KLF12: variants seen among roughly 807,000 people sequenced by gnomAD.
KLF12 encodes Krueppel-like factor 12.
A neutral mutation model predicts 37.8 loss-of-function variants in KLF12; 9 were observed. The observed-to-expected ratio is 0.24, with a 90% CI of 0.14 to 0.42. The LOEUF (loss-of-function observed/expected upper bound fraction) is 0.42. Among genes scored for constraint, KLF12 ranks in the 10% least tolerant of loss-of-function variants. KLF12 has a pLI of 1.00. For synonymous variants in KLF12, 208 were observed against 202.1 expected, an observed-to-expected ratio of 1.03 and a Z score of -0.25; for missense variants, 411 against 516.0, an observed-to-expected ratio of 0.80 and a Z score of 1.97.
intron 4 of KLF12, among the ~76,000 whole-genome samples, chr13:73,816,171 C>T (rs1883204398): frequency 6.6e-6 from 1 of 152,214 alleles, no homozygotes; most frequent in Non-Finnish European, 1.5e-5. Context: ...CATAATTCCA[C>T]TCTATTTTTA....
At chr13:73,966,599 C>T (rs1218262062) in intron 2 of KLF12, among the ~76,000 whole-genome samples, 1 of 152,120 alleles carries the variant, frequency 6.6e-6, no homozygotes, top group Non-Finnish European at 1.5e-5. Flanking sequence ...TCTTGTAGCT[C>T]CATGTGCAAA....
the KLF12 span, among the ~76,000 whole-genome samples, chr13:74,173,722 A>G: frequency 6.6e-6 from 1 of 152,196 alleles, no homozygotes; most frequent in Non-Finnish European, 1.5e-5. Flanking sequence ...ACATTTAAAG[A>G]TTTGGTCTTT....
chr13:74,037,779 G>A (rs1214713437), intron 1 of KLF12, among the ~76,000 whole-genome samples: 1 of 152,160 alleles, frequency 6.6e-6, no homozygotes, highest in Non-Finnish European at 1.5e-5. Context: ...ACTGATCATG[G>A]ATGAGGGATG....
intron 5 of KLF12, among the ~76,000 whole-genome samples, chr13:73,785,686 A>T (rs1014452353): frequency 6.6e-6 from 1 of 151,564 alleles, no homozygotes; most frequent in African/African-American, 2.4e-5. Context: ...CTTCTCTCTC[A>T]TTCTTTATAG....
intron 4 of KLF12, among the ~76,000 whole-genome samples, chr13:73,838,974 C>T (rs1237272460): frequency 1.3e-5 from 2 of 152,156 alleles, no homozygotes; most frequent in African/African-American, 4.8e-5. Context: ...CACATCCTTG[C>T]TCAAGTCTCA....
intron 1 of KLF12, among the ~76,000 whole-genome samples, chr13:74,031,614 T>C (rs1289226158): frequency 6.6e-6 from 1 of 152,154 alleles, no homozygotes; most frequent in Non-Finnish European, 1.5e-5. Flanking sequence ...TTTTTATATG[T>C]ACCGTTAACA....
chr13:74,013,614 G>C (rs530826801), intron 1 of KLF12, among the ~76,000 whole-genome samples: 81 of 152,066 alleles, frequency 5.3e-4, no homozygotes, highest in Admixed American at 2.5e-3. Flanking sequence ...AAATATCTAG[G>C]GGGGCAAAGA....
intron 4 of KLF12, among the ~76,000 whole-genome samples, chr13:73,819,980 G>A (rs1328837503): frequency 6.6e-6 from 1 of 152,170 alleles, no homozygotes; most frequent in Non-Finnish European, 1.5e-5. Context: ...AACTGGATGA[G>A]GACAGAGAGA....
Position 73,941,911 on chromosome 13 carries a change from C to T in KLF12, c.123+2070G>A, listed in dbSNP as rs1469852237. Among the ~76,000 whole-genome samples, 3 of 152,086 alleles carry T rather than the reference C, an allele frequency of 2.0e-5. No individual in the cohort carries two copies. The East Asian group carries it at 5.8e-4, about 29-fold the overall frequency. On this transcript the variant is annotated intron_variant, in intron 3 of 7. Transcript: ENST00000377669. ...TAAATAAGAGTTAAAATACCAACATCAGCTCCACTCACAAGGAGGAAAATC... is the reference window on the plus strand; with the variant it reads ...TAAATAAGAGTTAAAATACCAACATTAGCTCCACTCACAAGGAGGAAAATC...
chr13:73,933,201 C>A, intron 3 of KLF12, among the ~76,000 whole-genome samples: 1 of 152,076 alleles, frequency 6.6e-6, no homozygotes, highest in Non-Finnish European at 1.5e-5. Flanking sequence ...TCAATTTTAT[C>A]TCTGGTTATA....
chr13:73,774,701 T>C (rs1390664815), intron 5 of KLF12, among the ~76,000 whole-genome samples: 2 of 152,204 alleles, frequency 1.3e-5, no homozygotes, highest in South Asian at 2.1e-4. Context: ...ATTCTCAAGT[T>C]ATTTCAAAAT....
intron 2 of KLF12, among the ~76,000 whole-genome samples, chr13:73,946,549 A>G (rs1297825911): frequency 6.6e-6 from 1 of 152,240 alleles, no homozygotes; most frequent in African/African-American, 2.4e-5. Flanking sequence ...TACATGCAAT[A>G]AAGTCAAGAT....
At chr13:74,210,654 A>G in the KLF12 span, among the ~76,000 whole-genome samples, 1 of 152,334 alleles carries the variant, frequency 6.6e-6, no homozygotes, top group African/African-American at 2.4e-5. Context: ...TTTCTAAATT[A>G]GGAATTATCT....
chr13:74,058,459 C>T (rs908944395), intron 1 of KLF12, among the ~76,000 whole-genome samples: 2 of 149,432 alleles, frequency 1.3e-5, no homozygotes, highest in African/African-American at 4.9e-5. Flanking sequence ...GGGTTCACGC[C>T]GTTCTCCTGC....
At chr13:74,157,819 A>T in the KLF12 span, among the ~76,000 whole-genome samples, 20 of 152,290 alleles carry the variant, frequency 1.3e-4, no homozygotes, top group African/African-American at 3.8e-4. Context: ...GTATTGATTA[A>T]TTGGGACCAG....
chr13:73,856,910 C>T (rs1387278505), intron 3 of KLF12, among the ~76,000 whole-genome samples: 1 of 151,946 alleles, frequency 6.6e-6, no homozygotes, highest in East Asian at 1.9e-4. Flanking sequence ...TCACTTGAAC[C>T]CAGGAGGAGG....
rs919508359 is a variant in KLF12 at position 73,895,222 on chromosome 13, G to A, written c.123+48759C>T. ...GTTTCTAGATTCAGAGCTGTTCTAG[G>A]TGGCTGAGGTTATTGTCTAACTTCT... On this transcript the variant is annotated intron_variant, in intron 3 of 7. Transcript: ENST00000377669. Among the ~76,000 whole-genome samples the A allele has an allele frequency of 7.9e-5, 12 of 152,284 alleles. No homozygotes were observed. The South Asian group carries it at 1.2e-3, about 16-fold the overall frequency.
At chr13:73,844,488 G>A (rs963887262) in intron 4 of KLF12, among the ~76,000 whole-genome samples, 10 of 152,180 alleles carry the variant, frequency 6.6e-5, no homozygotes, top group Non-Finnish European at 7.3e-5. Context: ...AGTAAGCAAC[G>A]AGTGTCTGCA....
At chr13:73,853,778 T>C (rs1425021408) in intron 3 of KLF12, among the ~76,000 whole-genome samples, 2 of 151,330 alleles carry the variant, frequency 1.3e-5, no homozygotes, top group African/African-American at 4.8e-5. Flanking sequence ...TCCCAAGGAC[T>C]GAAAACATGG....
Sources: gnomAD v4.1 joint callset for allele counts (sites outside exome capture counted in the v4.1 genomes callset) on GRCh38, gnomAD v4.1.1 for gene constraint, MANE v1.5 for transcripts, NCBI Gene and HGNC (gene_info 2026-07-23, HGNC 2026-07-21) for gene names.